The following ARHGAP29 variants were observed in gnomAD, a reference collection of about 807,000 sequenced individuals.
The protein encoded by ARHGAP29 is Rho GTPase activating protein 29.
Under a neutral mutation model 122.6 loss-of-function variants are expected in ARHGAP29, and 43 were observed. The observed-to-expected ratio is 0.35, with a 90% CI of 0.27 to 0.45. The LOEUF is 0.45. ARHGAP29 is among the 20% of genes least tolerant of loss of function. The probability of loss-of-function intolerance (pLI) is 1.00; values close to 1 mark genes in which losing one functional copy is unlikely to be tolerated. For synonymous variants in ARHGAP29, 506 were observed against 497.1 expected (o/e 1.02, Z -0.24); for missense variants, 1,303 against 1,477.2 (o/e 0.88, Z 1.93).
chr1:94,182,987 G>A (rs1649572683), intron 19 of ARHGAP29, among the ~76,000 whole-genome samples: 1 of 152,110 alleles, frequency 6.6e-6, no homozygotes, highest in African/African-American at 2.4e-5. Flanking sequence ...AAGTTCTGGT[G>A]TTTTATACCA....
At position 94,189,174 on chromosome 1, in the gene ARHGAP29, G is replaced by C. The variant is rs770383715; in HGVS notation, c.1576+42C>G. On this transcript the variant is annotated intron_variant, in intron 14 of 22. Transcript: ENST00000260526. Reference sequence around the variant, plus strand: ...TTTAACAATCACATTCGAACAACCTGACCTTTTATAAATTAGCACTCTCTT... The same window carrying C: ...TTTAACAATCACATTCGAACAACCTCACCTTTTATAAATTAGCACTCTCTT... 9 of 1,563,162 alleles carry C rather than the reference G, an allele frequency of 5.8e-6. No homozygotes were observed. The South Asian group carries it at 9.7e-5, about 17-fold the overall frequency.
chr1:94,196,355 G>A (rs1189945288), intron 12 of ARHGAP29, among the ~76,000 whole-genome samples: 8 of 127,688 alleles, frequency 6.3e-5, no homozygotes, highest in African/African-American at 1.4e-4. Flanking sequence ...TCCACCTCCC[G>A]GGTTCACGCC....
chr1:94,302,808 C>G, the ARHGAP29 span: 14 of 244,390 alleles, frequency 5.7e-5, no homozygotes, highest in Non-Finnish European at 2.5e-5. Context: ...GGTGGTGAAG[C>G]GGCATCGGAG....
At chr1:94,256,720 G>C (rs1470251214) in intron 1 of ARHGAP29, among the ~76,000 whole-genome samples, 1 of 150,628 alleles carries the variant, frequency 6.6e-6, no homozygotes, top group African/African-American at 2.5e-5. Flanking sequence ...TACCACGCCC[G>C]GCTAATTTAT....
At chr1:94,243,348 T>C (rs1456603493) in intron 1 of ARHGAP29, among the ~76,000 whole-genome samples, 1 of 152,064 alleles carries the variant, frequency 6.6e-6, no homozygotes, top group Admixed American at 6.6e-5. Context: ...ACACAGTGTA[T>C]GTCCTCTGAT....
the ARHGAP29 span, among the ~76,000 whole-genome samples, chr1:94,304,749 GACTAGTTCA>G: frequency 2.6e-5 from 4 of 152,134 alleles, no homozygotes; most frequent in Admixed American, 2.0e-4. Flanking sequence ...GATTAATGAT[GACTAGTTCA>G]AACAGTCATG....
chr1:94,208,623 C>A (rs1214524702), intron 5 of ARHGAP29, among the ~76,000 whole-genome samples: 8 of 151,974 alleles, frequency 5.3e-5, no homozygotes, highest in Non-Finnish European at 1.2e-4. Flanking sequence ...CCATGCCCAG[C>A]TAATTTTTGT....
chr1:94,310,108 C>T, the ARHGAP29 span, among the ~76,000 whole-genome samples: 47 of 152,182 alleles, frequency 3.1e-4, no homozygotes, highest in African/African-American at 1.1e-3. Context: ...AATCAGTCCT[C>T]GAATCCTTGC....
At chr1:94,193,907 A>G (rs1650280878) in intron 12 of ARHGAP29, 1 of 152,178 alleles carries the variant, frequency 6.6e-6, no homozygotes. Flanking sequence ...CCTCTTTATA[A>G]TATGTATGAC....
At chr1:94,217,033 C>T (rs938938440) in intron 3 of ARHGAP29, among the ~76,000 whole-genome samples, 2 of 152,188 alleles carry the variant, frequency 1.3e-5, no homozygotes, top group African/African-American at 4.8e-5. Context: ...TCCAATTTCT[C>T]ACTTCTTATA....
In ARHGAP29 at chr1:94,203,180, T is replaced by C. The variant is rs1253343962; in HGVS notation, c.793A>G (p.Asn265Asp). The change falls in exon 9 of 23, where the codon AAT becomes GAT. Residue 265 changes from asparagine to aspartate, a missense_variant. Physicochemically the swap from Asn to Asp is conservative, Grantham distance 23. This residue lies in a region of ARHGAP29 where 592 missense variants were observed against 648.2 expected (regional missense o/e 0.91). Coordinates refer to ENST00000260526, the MANE Select transcript of ARHGAP29 (RefSeq NM_004815.4). ...CTTTCTATATCATTAAGAAGAGCAT[T>C]AGTAAACAGAGACTGCAGTGGCATG... Reference protein sequence around the residue: ...EFMPLQSLFTNALLNDIESSH... With the variant: ...EFMPLQSLFTDALLNDIESSH... 1 of 1,612,092 alleles carries C rather than the reference T, an allele frequency of 6.2e-7. No homozygotes were observed. Among genetic ancestry groups the C allele is most frequent in the East Asian group, 2.2e-5 (1 of 44,774 alleles).
intron 1 of ARHGAP29, among the ~76,000 whole-genome samples, chr1:94,247,306 T>C (rs2100687572): frequency 6.6e-6 from 1 of 151,968 alleles, no homozygotes; most frequent in East Asian, 2.0e-4. Context: ...CGGGGAGTCC[T>C]GTAAGGGGAG....
rs757199130 is a variant in ARHGAP29 at position 94,202,689 on chromosome 1, A to G, written c.998T>C (p.Met333Thr). ...TTTCTCATATTCATCTTGACGTTGC[A>G]TGCATAATAATTTTGCCTTTTTGAG... is the stretch of plus-strand genomic sequence containing the variant. ...NALKKAKLLC[M>T]QRQDEYEKAK... Residue 333 changes from methionine to threonine, a missense_variant, in exon 11 of 23, where the codon ATG (methionine) becomes ACG (threonine). Around this residue, in one of 3 missense-constraint regions of ARHGAP29, gnomAD observed 592 missense variants for 648.2 expected, o/e 0.91. Transcript: ENST00000260526. 1 of 1,614,106 alleles carries G rather than the reference A, an allele frequency of 6.2e-7. No homozygotes were observed. Among genetic ancestry groups the G allele is most frequent in the East Asian group, 2.2e-5 (1 of 44,882 alleles).
At chr1:94,284,483 G>A in the ARHGAP29 span, among the ~76,000 whole-genome samples, 1 of 152,180 alleles carries the variant, frequency 6.6e-6, no homozygotes, top group Non-Finnish European at 1.5e-5. Flanking sequence ...ATCCAGGCAT[G>A]GTCATAGCAC....
chr1:94,237,139 C>A (rs1244347274), intron 1 of ARHGAP29, among the ~76,000 whole-genome samples: 2 of 152,218 alleles, frequency 1.3e-5, no homozygotes, highest in Non-Finnish European at 2.9e-5. Context: ...TAATTACGAT[C>A]GTCACCGTCT....
chr1:94,193,906 AATATGT>A (rs1327858535), intron 12 of ARHGAP29: 1 of 152,200 alleles, frequency 6.6e-6, no homozygotes, highest in Non-Finnish European at 1.5e-5. Context: ...ACCTCTTTAT[AATATGT>A]ATGACTTTTA....
At chr1:94,243,726 A>G (rs1290514857) in intron 1 of ARHGAP29, among the ~76,000 whole-genome samples, 1 of 152,044 alleles carries the variant, frequency 6.6e-6, no homozygotes, top group Non-Finnish European at 1.5e-5. Flanking sequence ...CAGAAAACAG[A>G]AAAAAATCAA....
At chr1:94,253,442 A>G (rs1570608974) in intron 1 of ARHGAP29, among the ~76,000 whole-genome samples, 2 of 152,352 alleles carry the variant, frequency 1.3e-5, no homozygotes, top group African/African-American at 4.8e-5. Context: ...TTCTTAGTTT[A>G]ATGAGTAAAT....
At chr1:94,209,917 A>G (rs1651478977) in intron 3 of ARHGAP29, among the ~76,000 whole-genome samples, 1 of 152,182 alleles carries the variant, frequency 6.6e-6, no homozygotes, top group Admixed American at 6.5e-5. Flanking sequence ...CTATTTACTT[A>G]CAGCCTTATT....
Sources: gnomAD v4.1 joint callset for allele counts (sites outside exome capture counted in the v4.1 genomes callset) on GRCh38, gnomAD v4.1.1 for gene constraint, gnomAD v4.1.1 regional missense constraint, MANE v1.5 for transcripts, NCBI Gene and HGNC (gene_info 2026-07-23, HGNC 2026-07-21) for gene names.